Variants in CSMD1 observed in about 807,000 individuals in gnomAD.
CSMD1 encodes the protein CUB and Sushi multiple domains 1, also known as CUB and sushi domain-containing protein 1.
Under a neutral mutation model 417.5 loss-of-function variants are expected in CSMD1, and 213 were observed. The observed-to-expected ratio is 0.51, with a 90% CI of 0.46 to 0.57. The LOEUF is 0.57. Ranked by LOEUF, CSMD1 falls within the 20% of genes least tolerant of loss-of-function variation. The probability of loss-of-function intolerance (pLI) is 0.00; values close to 1 mark genes in which losing one functional copy is unlikely to be tolerated. For synonymous variants in CSMD1, 2,862 were observed against 1,736.8 expected (o/e 1.65, Z -16.11); for missense variants, 6,923 against 4,529.7 (o/e 1.53, Z -15.17).
At chr8:3,817,894 G>T (rs944853064) in intron 5 of CSMD1, among the ~76,000 whole-genome samples, 1 of 152,184 alleles carries the variant, frequency 6.6e-6, no homozygotes, top group Non-Finnish European at 1.5e-5. Flanking sequence ...TTCTTGCTAA[G>T]ATGCAGATTC....
At chr8:4,320,429 G>A (rs1238952829) in intron 3 of CSMD1, among the ~76,000 whole-genome samples, 1 of 152,068 alleles carries the variant, frequency 6.6e-6, no homozygotes, top group Non-Finnish European at 1.5e-5. Flanking sequence ...GACATAGGTA[G>A]ACACGTGCCA....
intron 6 of CSMD1, among the ~76,000 whole-genome samples, chr8:3,726,683 G>A (rs1802517420): frequency 6.6e-6 from 1 of 152,172 alleles, no homozygotes; most frequent in South Asian, 2.1e-4. Flanking sequence ...GTTCTGGTTT[G>A]TGAGTGGTAC....
intron 3 of CSMD1, among the ~76,000 whole-genome samples, chr8:4,187,504 G>A (rs2131200312): frequency 6.6e-6 from 1 of 152,036 alleles, no homozygotes; most frequent in Middle Eastern, 3.4e-3. Context: ...AATCAGCCTG[G>A]GTGGTGGCAC....
intron 2 of CSMD1, among the ~76,000 whole-genome samples, chr8:4,422,134 C>G (rs1585049555): frequency 6.6e-6 from 1 of 152,088 alleles, no homozygotes; most frequent in Non-Finnish European, 1.5e-5. Flanking sequence ...GCTATTAAAA[C>G]TTTCCCCAAA....
intron 2 of CSMD1, among the ~76,000 whole-genome samples, chr8:4,441,831 G>C (rs1053787064): frequency 2.6e-5 from 4 of 152,138 alleles, no homozygotes; most frequent in African/African-American, 9.7e-5. Context: ...TGAAGTTTGA[G>C]TAATAAAAGC....
At chr8:4,824,337 G>C (rs962582103) in intron 1 of CSMD1, among the ~76,000 whole-genome samples, 1 of 152,092 alleles carries the variant, frequency 6.6e-6, no homozygotes, top group African/African-American at 2.4e-5. Context: ...TTGGGAGGTA[G>C]ATAGTGGATG....
chr8:3,974,474 G>T (rs899200851), intron 5 of CSMD1, among the ~76,000 whole-genome samples: 4 of 151,886 alleles, frequency 2.6e-5, no homozygotes, highest in Admixed American at 6.6e-5. Flanking sequence ...TTATTAAAAT[G>T]TATTAAAACA....
At chr8:3,968,112 G>A (rs200191067) in intron 5 of CSMD1, among the ~76,000 whole-genome samples, 4 of 151,532 alleles carry the variant, frequency 2.6e-5, no homozygotes, top group East Asian at 1.9e-4. Context: ...GCGTGAACCC[G>A]GGAGGCAGAG....
intron 3 of CSMD1, among the ~76,000 whole-genome samples, chr8:4,359,401 T>C (rs1801622048): frequency 1.3e-5 from 2 of 152,244 alleles, no homozygotes; most frequent in African/African-American, 2.4e-5. Flanking sequence ...CAATAACATA[T>C]TAACTAGAGA....
At chr8:4,513,913 T>C (rs1223255071) in intron 2 of CSMD1, among the ~76,000 whole-genome samples, 2 of 152,188 alleles carry the variant, frequency 1.3e-5, no homozygotes, top group South Asian at 2.1e-4. Flanking sequence ...TAATTTGAAG[T>C]GTGATGTCAA....
chr8:3,550,346 C>T (rs994418516), intron 10 of CSMD1, among the ~76,000 whole-genome samples: 4 of 152,202 alleles, frequency 2.6e-5, no homozygotes, highest in Non-Finnish European at 4.4e-5. Context: ...CTCATTCCTA[C>T]TCCAGGGCCT....
At chr8:3,712,432 G>C (rs62476975) in intron 6 of CSMD1, among the ~76,000 whole-genome samples, 5 of 146,526 alleles carry the variant, frequency 3.4e-5, no homozygotes, top group Non-Finnish European at 4.5e-5. Flanking sequence ...CAGACAGACA[G>C]ACAGACAGAC....
intron 1 of CSMD1, among the ~76,000 whole-genome samples, chr8:4,711,939 A>G (rs1480198631): frequency 6.6e-6 from 1 of 152,198 alleles, no homozygotes; most frequent in Non-Finnish European, 1.5e-5. Context: ...CTGGCTGGCT[A>G]CTGTGCACAT....
At chr8:4,325,998 C>A (rs952189900) in intron 3 of CSMD1, among the ~76,000 whole-genome samples, 8 of 152,096 alleles carry the variant, frequency 5.3e-5, no homozygotes, top group African/African-American at 1.9e-4. Context: ...GGTACGAACT[C>A]AGTAAAGACG....
At chr8:3,649,336 G>A (rs1797730715) in intron 7 of CSMD1, among the ~76,000 whole-genome samples, 1 of 152,158 alleles carries the variant, frequency 6.6e-6, no homozygotes, top group Admixed American at 6.5e-5. Flanking sequence ...TAAATTGACT[G>A]TTAGAAGAAA....
Position 3,879,580 on chromosome 8 carries a change from C to G in CSMD1, c.818+118323G>C, listed in dbSNP as rs17067846. 2.0e-5 allele frequency among the ~76,000 whole-genome samples: 3 copies of G among 152,150 alleles called. No homozygotes were observed. In the South Asian group the frequency reaches 6.2e-4, roughly 32 times the overall value. On this transcript the variant is annotated intron_variant, in intron 5 of 69. Transcript: ENST00000635120. ...TCTCTATTGATATTACCTTAACAAT[C>G]ACATAGCTATCAGAATGAGATTTGC...
chr8:3,601,531 C>G (rs929777952), intron 8 of CSMD1, among the ~76,000 whole-genome samples: 1 of 152,182 alleles, frequency 6.6e-6, no homozygotes, highest in African/African-American at 2.4e-5. Context: ...ACATCAGAAT[C>G]ACAGCAGGCA....
At chr8:4,860,298 T>C (rs2116870520) in intron 1 of CSMD1, among the ~76,000 whole-genome samples, 1 of 148,868 alleles carries the variant, frequency 6.7e-6, no homozygotes, top group East Asian at 2.0e-4. Flanking sequence ...CATTAGGAGA[T>C]ATACCTAATG....
At chr8:3,661,719 A>T (rs967400632) in intron 7 of CSMD1, among the ~76,000 whole-genome samples, 1 of 151,552 alleles carries the variant, frequency 6.6e-6, no homozygotes, top group African/African-American at 2.4e-5. Context: ...CTAGTCTCGA[A>T]CTCCTGACCT....
Sources: gnomAD v4.1 joint callset for allele counts (sites outside exome capture counted in the v4.1 genomes callset) on GRCh38, gnomAD v4.1.1 for gene constraint, MANE v1.5 for transcripts, NCBI Gene and HGNC (gene_info 2026-07-23, HGNC 2026-07-21) for gene names.